Variants in FAT1 observed in about 807,000 individuals in gnomAD.
The protein encoded by FAT1 is FAT atypical cadherin 1.
In FAT1, 171 loss-of-function variants were observed where a neutral mutation model predicts 329.8. That is an observed-to-expected ratio of 0.52 (90% confidence interval 0.46 to 0.59). The LOEUF is 0.59. Among genes scored for constraint, FAT1 ranks in the 20% least tolerant of loss-of-function variants. The probability of loss-of-function intolerance (pLI) is 0.00; values close to 1 mark genes in which losing one functional copy is unlikely to be tolerated. For synonymous variants in FAT1, 2,233 were observed against 2,228.6 expected, an observed-to-expected ratio of 1.00 and a Z score of -0.06; for missense variants, 5,672 against 5,774.4, an observed-to-expected ratio of 0.98 and a Z score of 0.57.
chr4:186,626,555 T>C (rs1740315794), intron 9 of FAT1, among the ~76,000 whole-genome samples: 1 of 124,128 alleles, frequency 8.1e-6, no homozygotes, highest in Non-Finnish European at 1.7e-5. Context: ...GCACATAAAG[T>C]GAGCTTCACC....
At chr4:186,656,497 T>C (rs1741910122) in intron 3 of FAT1, among the ~76,000 whole-genome samples, 1 of 152,216 alleles carries the variant, frequency 6.6e-6, no homozygotes, top group South Asian at 2.1e-4. Flanking sequence ...TGTGATTGCA[T>C]TACCCATTTA....
intron 7 of FAT1, among the ~76,000 whole-genome samples, chr4:186,631,475 C>T (rs1418014437): frequency 1.3e-5 from 2 of 151,200 alleles, no homozygotes; most frequent in African/African-American, 2.4e-5. Context: ...TTCAATCCAT[C>T]CCCATGGTAT....
intron 3 of FAT1, among the ~76,000 whole-genome samples, chr4:186,649,931 A>G (rs567373823): frequency 1.5e-4 from 23 of 152,386 alleles, no homozygotes; most frequent in African/African-American, 4.8e-4. Context: ...TACTGAAAAA[A>G]TATTTTCTAA....
chr4:186,691,928 A>ATT (rs142178801), intron 2 of FAT1, among the ~76,000 whole-genome samples: 6 of 148,356 alleles, frequency 4.0e-5, no homozygotes, highest in African/African-American at 1.3e-4. Flanking sequence ...TGTGGCTACT[A>ATT]TTTTTTTTTA....
In FAT1 at chr4:186,620,703, G is replaced by T. The variant is rs1194325316; in HGVS notation, c.5883C>A (p.Gly1961=). The change falls in exon 10 of 27, where the codon GGC becomes GGA. Residue 1961 remains glycine (G), a synonymous_variant. Coordinates refer to ENST00000441802, the MANE Select transcript of FAT1 (RefSeq NM_005245.4). ...TVRASDGRFA[G]LTSVKINVKE... is the part of the protein sequence containing the mutation. ...TCACATTAATTTTGACAGAGGTAAG[G>T]CCGGCAAATCTGCCATCGGAAGCTC... The T allele has an allele frequency of 1.2e-6, 2 of 1,613,970 alleles. No individual in the cohort carries two copies. The highest frequency in any genetic ancestry group is 8.5e-7 in the Non-Finnish European group (1 of 1,179,890).
At chr4:186,641,615 C>A (rs1023025726) in intron 3 of FAT1, among the ~76,000 whole-genome samples, 2 of 152,264 alleles carry the variant, frequency 1.3e-5, no homozygotes, top group Non-Finnish European at 2.9e-5. Context: ...AACAGCACTG[C>A]GCAAATACTT....
rs1552691 is a variant in FAT1 at position 186,588,655 on chromosome 4, G to A, written c.13704C>T (p.Asp4568=). 6.8e-6 allele frequency: 11 copies of A among 1,613,880 alleles called. No individual in the cohort carries two copies. Among genetic ancestry groups the A allele is most frequent in the African/African-American group, 2.7e-5 (2 of 75,018 alleles). ...TCGTCACCTCTTCGAAGTGGCCGTC[G>A]TCCCCGCTCTCATAGTCACTCATCA... ...EVMMSDYESG[D]DGHFEEVTIP... is the part of the protein sequence containing the mutation. Residue 4568 remains aspartate, a synonymous_variant, in exon 27 of 27, where the codon GAC becomes GAT. Coordinates refer to ENST00000441802, the MANE Select transcript of FAT1 (RefSeq NM_005245.4).
At chr4:186,687,186 T>A (rs1253781753) in intron 2 of FAT1, among the ~76,000 whole-genome samples, 1 of 152,194 alleles carries the variant, frequency 6.6e-6, no homozygotes, top group Non-Finnish European at 1.5e-5. Context: ...TCAGAATTTT[T>A]AAACACACAA....
chr4:186,612,712 A>G (rs964345966), intron 13 of FAT1, among the ~76,000 whole-genome samples: 2 of 152,180 alleles, frequency 1.3e-5, no homozygotes, highest in Admixed American at 1.3e-4. Flanking sequence ...CTATAGTCCA[A>G]TTTTCTCTAA....
chr4:186,713,720 A>C (rs1020464549), intron 1 of FAT1, among the ~76,000 whole-genome samples: 1 of 152,116 alleles, frequency 6.6e-6, no homozygotes, highest in African/African-American at 2.4e-5. Context: ...CAGTGGCGCG[A>C]TCACGGCTCA....
intron 20 of FAT1, among the ~76,000 whole-genome samples, chr4:186,602,431 C>A (rs934604051): frequency 6.6e-6 from 1 of 152,104 alleles, no homozygotes; most frequent in South Asian, 2.1e-4. Context: ...GAGAACAACT[C>A]GAATCTTTAC....
intron 3 of FAT1, among the ~76,000 whole-genome samples, chr4:186,655,508 C>T (rs752657665): frequency 1.3e-5 from 2 of 151,556 alleles, no homozygotes; most frequent in South Asian, 2.1e-4. Flanking sequence ...GATCTCGGCT[C>T]GCTGCAACCT....
At chr4:186,601,509 G>T in intron 20 of FAT1, 83 bp from the exon 21 acceptor site, 1 of 1,103,404 alleles carries the variant, frequency 9.1e-7, no homozygotes. Flanking sequence ...CACCCCTTGA[G>T]ACTGATTTAG....
Position 186,617,826 on chromosome 4 carries a change from G to A in FAT1, c.8760C>T (p.Ala2920=), listed in dbSNP as rs374054922. Residue 2920 remains alanine (A), a synonymous_variant, in exon 10 of 27, where the codon GCC becomes GCT. Coordinates refer to ENST00000441802, the MANE Select transcript of FAT1 (RefSeq NM_005245.4). ...DVNDSPPRFT[A]EIYKGTVSED... is the part of the protein sequence containing the mutation. ...CACTCACAGTCCCTTTATAGATCTC[G>A]GCCGTGAATCGTGGTGGACTATCGT... 178 of 1,613,796 alleles carry A rather than the reference G, an allele frequency of 1.1e-4. No individual in the cohort carries two copies. The highest frequency in any genetic ancestry group is 8.0e-4 in the African/African-American group (60 of 74,884).
chr4:186,720,714 G>A (rs748121057), intron 1 of FAT1, among the ~76,000 whole-genome samples: 7 of 152,154 alleles, frequency 4.6e-5, no homozygotes, highest in African/African-American at 7.2e-5. Context: ...CAGGAAACAC[G>A]ATTTGTTCAG....
chr4:186,701,698 T>A (rs1744322737), intron 2 of FAT1, among the ~76,000 whole-genome samples: 1 of 152,180 alleles, frequency 6.6e-6, no homozygotes, highest in Non-Finnish European at 1.5e-5. Flanking sequence ...CCTTCTCCTG[T>A]CACAGGAGGA....
chr4:186,668,461 T>C (rs1742568247), intron 2 of FAT1, among the ~76,000 whole-genome samples: 1 of 152,206 alleles, frequency 6.6e-6, no homozygotes, highest in African/African-American at 2.4e-5. Context: ...TTAAAGAACG[T>C]TGAAATGATT....
chr4:186,685,296 T>C (rs963558254), intron 2 of FAT1, among the ~76,000 whole-genome samples: 1 of 152,162 alleles, frequency 6.6e-6, no homozygotes, highest in African/African-American at 2.4e-5. Flanking sequence ...AAATGTCCAA[T>C]AGCTGATAGG....
intron 3 of FAT1, among the ~76,000 whole-genome samples, chr4:186,649,787 C>T (rs751539951): frequency 1.3e-5 from 2 of 152,086 alleles, no homozygotes; most frequent in African/African-American, 4.8e-5. Flanking sequence ...GGGAAATAAA[C>T]CTTTTTTAAA....
Sources: gnomAD v4.1 joint callset for allele counts (sites outside exome capture counted in the v4.1 genomes callset) on GRCh38, gnomAD v4.1.1 for gene constraint, MANE v1.5 for transcripts, NCBI Gene and HGNC (gene_info 2026-07-23, HGNC 2026-07-21) for gene names.